The following INPP4B variants were observed in gnomAD, a reference collection of about 807,000 sequenced individuals.
INPP4B encodes inositol polyphosphate 4-phosphatase type II.
A neutral mutation model predicts 122.5 loss-of-function variants in INPP4B; 55 were observed. The observed-to-expected ratio is 0.45, with a 90% confidence interval of 0.36 to 0.56. The LOEUF (loss-of-function observed/expected upper bound fraction) is 0.56, where lower values mean the gene tolerates loss of function less well. Ranked by LOEUF, INPP4B falls within the 20% of genes least tolerant of loss-of-function variation. The pLI, the probability that INPP4B is intolerant of heterozygous loss-of-function variation, is 0.00. For synonymous variants in INPP4B, 403 were observed against 388.7 expected, an observed-to-expected ratio of 1.04 and a Z score of -0.43; for missense variants, 1,000 against 1,097.7, an observed-to-expected ratio of 0.91 and a Z score of 1.26.
At chr4:142,050,171 G>A (rs1753742270) in intron 25 of INPP4B, among the ~76,000 whole-genome samples, 1 of 151,846 alleles carries the variant, frequency 6.6e-6, no homozygotes, top group Admixed American at 6.6e-5. Context: ...ATAATTCACT[G>A]AAAACTGCTG....
chr4:142,248,808 T>C (rs1465773216), intron 11 of INPP4B, among the ~76,000 whole-genome samples: 3 of 152,114 alleles, frequency 2.0e-5, no homozygotes, highest in Non-Finnish European at 2.9e-5. Context: ...AATGAATTTT[T>C]TTTCTACCAA....
chr4:142,363,861 A>G (rs1399024004), intron 7 of INPP4B, among the ~76,000 whole-genome samples: 1 of 152,084 alleles, frequency 6.6e-6, no homozygotes, highest in African/African-American at 2.4e-5. Context: ...GCATTCCTCA[A>G]GATGGATGAT....
At chr4:142,087,847 G>C (rs1220399563) in intron 23 of INPP4B, among the ~76,000 whole-genome samples, 2 of 152,180 alleles carry the variant, frequency 1.3e-5, no homozygotes, top group African/African-American at 4.8e-5. Flanking sequence ...TCTAAGAGCA[G>C]AAGTGGTTGG....
chr4:142,735,472 C>T (rs183959167), intron 1 of INPP4B, among the ~76,000 whole-genome samples: 2 of 152,288 alleles, frequency 1.3e-5, no homozygotes, highest in Admixed American at 1.3e-4. Flanking sequence ...TACTGTCTTG[C>T]ATATTAAATA....
intron 25 of INPP4B, among the ~76,000 whole-genome samples, chr4:142,061,793 T>C (rs1162158769): frequency 6.7e-6 from 1 of 150,228 alleles, no homozygotes; most frequent in African/African-American, 2.5e-5. Flanking sequence ...ATATATAGCA[T>C]GATATATTAA....
At chr4:142,167,753 A>G (rs969532398) in intron 16 of INPP4B, among the ~76,000 whole-genome samples, 3 of 151,668 alleles carry the variant, frequency 2.0e-5, no homozygotes, top group Non-Finnish European at 4.4e-5. Context: ...ATATATAAGA[A>G]ACATGTTTGA....
intron 2 of INPP4B, among the ~76,000 whole-genome samples, chr4:142,644,576 AT>A (rs1410955810): frequency 1.3e-5 from 2 of 151,560 alleles, no homozygotes; most frequent in African/African-American, 4.9e-5. Context: ...TCCAGGAAAA[AT>A]TTTTATTCAT....
Position 142,082,063 on chromosome 4 carries a change from G to C in INPP4B, c.2610C>G (p.Asp870Glu), listed in dbSNP as rs1196363465. The C allele has an allele frequency of 6.8e-7, 1 of 1,477,706 alleles. No homozygotes were observed. Among genetic ancestry groups the C allele is most frequent in the Non-Finnish European group, 9.2e-7 (1 of 1,089,298 alleles). The allele number at this position is 1,477,706 out of a possible 1,614,324, so 91.5% of individuals were successfully genotyped here. A position where few individuals can be genotyped will look rare whatever the true frequency, so the allele number is the denominator to read the frequency against. Residue 870 changes from aspartate (D) to glutamate (E), a missense_variant, in exon 25 of 26, where the codon GAC becomes GAG. Physicochemically the swap from Asp to Glu is conservative, Grantham distance 45. Coordinates refer to ENST00000262992, the MANE Select transcript of INPP4B (RefSeq NM_001101669.3). ...ILRDEHQLHK[D>E]FFIRALDCMR... is the part of the protein sequence containing the mutation. ...TGCAATCCAGCGCTCGGATAAAGAAGTCCTTGTGTAACTGGTGCTCATCTC... is the reference window on the plus strand; with the variant it reads ...TGCAATCCAGCGCTCGGATAAAGAACTCCTTGTGTAACTGGTGCTCATCTC...
intron 5 of INPP4B, among the ~76,000 whole-genome samples, chr4:142,405,611 G>T (rs1803149376): frequency 6.6e-6 from 1 of 152,142 alleles, no homozygotes; most frequent in Non-Finnish European, 1.5e-5. Context: ...ACATGGCTCA[G>T]AAACCTCAGT....
At chr4:142,751,539 T>G (rs1318846627) in intron 1 of INPP4B, among the ~76,000 whole-genome samples, 1 of 152,092 alleles carries the variant, frequency 6.6e-6, no homozygotes, top group Non-Finnish European at 1.5e-5. Context: ...CTGAAAATCT[T>G]CAAGAAGCAG....
At chr4:142,768,724 G>A (rs1772548126) in intron 1 of INPP4B, among the ~76,000 whole-genome samples, 1 of 151,276 alleles carries the variant, frequency 6.6e-6, no homozygotes, top group Non-Finnish European at 1.5e-5. Context: ...GAAAGAACAT[G>A]AAGCTTTTAG....
chr4:142,487,580 G>A (rs1325307495), intron 2 of INPP4B, among the ~76,000 whole-genome samples: 1 of 151,860 alleles, frequency 6.6e-6, no homozygotes, highest in African/African-American at 2.4e-5. Context: ...CTTAGTCCAT[G>A]GATTAAACAT....
chr4:142,165,025 T>C (rs897571322), intron 16 of INPP4B, among the ~76,000 whole-genome samples: 1 of 151,742 alleles, frequency 6.6e-6, no homozygotes, highest in Middle Eastern at 3.2e-3. Context: ...ATTTTTTTCA[T>C]TGGTGAGGTA....
At chr4:142,198,237 G>T (rs1839175797) in intron 14 of INPP4B, among the ~76,000 whole-genome samples, 1 of 151,678 alleles carries the variant, frequency 6.6e-6, no homozygotes, top group Admixed American at 6.6e-5. Context: ...TATTTTCAAG[G>T]GTTACCCTAA....
chr4:142,842,860 AT>A (rs1270203399), intron 1 of INPP4B, among the ~76,000 whole-genome samples: 11 of 137,742 alleles, frequency 8.0e-5, no homozygotes, highest in Non-Finnish European at 1.7e-4. Context: ...ATATATATAA[AT>A]AATGATATAT....
At chr4:142,730,728 G>A (rs946656076) in intron 1 of INPP4B, among the ~76,000 whole-genome samples, 2 of 152,132 alleles carry the variant, frequency 1.3e-5, no homozygotes, top group Non-Finnish European at 2.9e-5. Context: ...TATATTTTAA[G>A]TTCTTCAAGG....
At chr4:142,384,596 C>T (rs983516735) in intron 7 of INPP4B, among the ~76,000 whole-genome samples, 2 of 152,124 alleles carry the variant, frequency 1.3e-5, no homozygotes, top group Non-Finnish European at 2.9e-5. Context: ...TATGGAATCA[C>T]CATTGCATAT....
chr4:142,689,969 C>A (rs1286257032), intron 2 of INPP4B, among the ~76,000 whole-genome samples: 1 of 152,130 alleles, frequency 6.6e-6, no homozygotes, highest in African/African-American at 2.4e-5. Flanking sequence ...CTACTGTCTG[C>A]ATAACAAAAT....
At chr4:142,081,863 A>G (rs1578836275) in intron 25 of INPP4B, among the ~76,000 whole-genome samples, 168 bp downstream of exon 25, 1 of 152,106 alleles carries the variant, frequency 6.6e-6, no homozygotes, top group African/African-American at 2.4e-5. Flanking sequence ...AAATCATTAT[A>G]CAGGTGGAGA....
Sources: allele counts gnomAD v4.1 joint callset (sites outside exome capture counted in the v4.1 genomes callset), GRCh38; gene constraint gnomAD v4.1.1; transcripts MANE v1.5; gene names NCBI Gene and HGNC (gene_info 2026-07-23, HGNC 2026-07-21).